MYH9: variants seen among roughly 807,000 people sequenced by gnomAD.
The protein encoded by MYH9 is myosin-9.
Under a neutral mutation model 241.9 loss-of-function variants are expected in MYH9, and 29 were observed. The observed-to-expected ratio is 0.12, with a 90% confidence interval of 0.09 to 0.16. The LOEUF (loss-of-function observed/expected upper bound fraction) is 0.16. Among genes scored for constraint, MYH9 ranks in the 10% least tolerant of loss-of-function variants. The probability of loss-of-function intolerance (pLI) is 1.00; values close to 1 mark genes in which losing one functional copy is unlikely to be tolerated. For missense variants in MYH9, 1,803 were observed against 2,595.5 expected (o/e 0.69, Z 6.63); for synonymous variants, 1,047 against 1,062.6 (o/e 0.99, Z 0.29).
At chr22:36,350,483 G>A (rs1271589817) in intron 1 of MYH9, among the ~76,000 whole-genome samples, 1 of 152,186 alleles carries the variant, frequency 6.6e-6, no homozygotes, top group Non-Finnish European at 1.5e-5. Context: ...GTTGTGGTGA[G>A]CCGAGATTGT....
chr22:36,299,785 C>T (rs1258055736), intron 23 of MYH9, among the ~76,000 whole-genome samples: 16 of 152,212 alleles, frequency 1.1e-4, no homozygotes, highest in Admixed American at 9.8e-4. Context: ...CGTATCTCAA[C>T]ACAGAGCCAC....
intron 1 of MYH9, among the ~76,000 whole-genome samples, chr22:36,363,865 G>C (rs1446208183): frequency 2.6e-5 from 4 of 152,168 alleles, no homozygotes; most frequent in Non-Finnish European, 5.9e-5. Flanking sequence ...TCCCCAGCTG[G>C]CTGGAGGCTT....
intron 3 of MYH9, among the ~76,000 whole-genome samples, chr22:36,338,179 T>C (rs914161169): frequency 5.3e-5 from 8 of 151,894 alleles, no homozygotes; most frequent in Non-Finnish European, 8.8e-5. Flanking sequence ...TTTGTTTTTT[T>C]AGTAGAGACA....
In MYH9 at chr22:36,326,604, C is replaced by A. The variant is rs369880291; in HGVS notation, c.576G>T (p.Ala192=). The A allele has an allele frequency of 6.2e-7, 1 of 1,614,248 alleles. No individual in the cohort carries two copies. The highest frequency in any genetic ancestry group is 1.1e-5 in the South Asian group (1 of 91,082). Reference sequence around the variant, plus strand: ...TGCTCTTGTGCGAGGACGCCACGTACGCCAGATACTGGATGACCTTCTTGG... The same window carrying A: ...TGCTCTTGTGCGAGGACGCCACGTAAGCCAGATACTGGATGACCTTCTTGG... ...ENTKKVIQYL[A]YVASSHKSKK... The change falls in exon 5 of 41, where the codon GCG becomes GCT. Residue 192 remains alanine, a synonymous_variant. Transcript: ENST00000216181.
Position 36,316,035 on chromosome 22 carries a change from C to CTT in MYH9, c.1380+480_1380+481dup, listed in dbSNP as rs144026849. Among the ~76,000 whole-genome samples, 959 of 116,928 alleles carry CTT rather than the reference C, an allele frequency of 8.2e-3. 19 individuals carry two copies. The highest frequency in any genetic ancestry group is 0.023 in the African/African-American group (740 of 31,822). The allele number at this position is 116,928 out of a possible 152,430, so 76.7% of individuals were successfully genotyped here. ...CCTGAGTGACAAAGCGAGACCCTGA[C>CTT]TTTTTTTTTTTTTTTTTTTGAGACA... On this transcript the variant is annotated intron_variant, in intron 12 of 40. Transcript: ENST00000216181.
In MYH9 at chr22:36,288,255, C is replaced by A; in HGVS notation, c.4929G>T (p.Leu1643=). The change falls in exon 34 of 41, where the codon CTG becomes CTT. Residue 1643 remains leucine (L), a synonymous_variant. Coordinates refer to ENST00000216181, the MANE Select transcript of MYH9 (RefSeq NM_002473.6). This position sits in a 1 kb window ranked among gnomAD's most constrained non-coding sequence, Gnocchi z 4.8. ...RDEAIKQLRK[L]QAQMKDCMRE... ...CCTGGGCCCCGCCCACCCTTACCTG[C>A]AGCTTCCGCAGCTGTTTGATGGCTT... The A allele has an allele frequency of 1.2e-6, 2 of 1,613,920 alleles. No homozygotes were observed. The highest frequency in any genetic ancestry group is 1.1e-5 in the South Asian group (1 of 91,076).
chr22:36,289,236 G>A lies in MYH9; in HGVS notation c.4406C>T (p.Ala1469Val), dbSNP rs557967677. 57 of 1,612,892 alleles carry A rather than the reference G, an allele frequency of 3.5e-5. No individual in the cohort carries two copies. Among genetic ancestry groups the A allele is most frequent in the East Asian group, 2.0e-4 (9 of 44,872 alleles). Residue 1469 changes from alanine (A) to valine (V), a missense_variant, in exon 32 of 41, where the codon GCG (alanine) becomes GTG (valine). Around this residue, in one of 11 missense-constraint regions of MYH9, gnomAD observed 876 missense variants for 1,077.8 expected, o/e 0.81. Coordinates refer to ENST00000216181, the MANE Select transcript of MYH9 (RefSeq NM_002473.6). ...CTTGGTCTCCTTCTCTCGGGCCTCC[G>A]CCTCAGCCCGGTCGCGCTCCTCTGC... is the stretch of plus-strand genomic sequence containing the variant. ...KYAEERDRAE[A>V]EAREKETKAL...
At chr22:36,373,017 C>G (rs2018112032) in intron 1 of MYH9, among the ~76,000 whole-genome samples, 1 of 152,188 alleles carries the variant, frequency 6.6e-6, no homozygotes, top group Non-Finnish European at 1.5e-5. Flanking sequence ...GACCACCCAT[C>G]TTCTCCCCTT....
At chr22:36,298,835 G>A (rs2016828927) in intron 24 of MYH9, 84 bp downstream of exon 24, 1 of 1,591,842 alleles carries the variant, frequency 6.3e-7, no homozygotes, top group African/African-American at 1.3e-5. Context: ...AGGCCTCGGT[G>A]TTCCGGTCAG....
In MYH9 at chr22:36,323,072, G is replaced by A. The variant is rs116950977; in HGVS notation, c.613-551C>T. On this transcript the variant is annotated intron_variant, in intron 5 of 40. Transcript: ENST00000216181. ...GTCCAAAACCACCATGACAGGCAGT[G>A]AGCACGGGATCCATGAGGCCCACTT... 5.8e-3 allele frequency among the ~76,000 whole-genome samples: 890 copies of A among 152,326 alleles called. 7 individuals are homozygous for A. The highest frequency in any genetic ancestry group is 0.044 in the Middle Eastern group (13 of 294).
chr22:36,363,793 CA>C lies in MYH9; in HGVS notation c.-19-14539del, dbSNP rs913021872. 2.4e-4 allele frequency among the ~76,000 whole-genome samples: 37 copies of C among 152,302 alleles called. 1 individual carries two copies. Among genetic ancestry groups the C allele is most frequent in the African/African-American group, 8.7e-4 (36 of 41,572 alleles). On this transcript the variant is annotated intron_variant, in intron 1 of 40. Coordinates refer to ENST00000216181, the MANE Select transcript of MYH9 (RefSeq NM_002473.6). Reference sequence around the variant, plus strand: ...TCACCCCCAGGTTGGAAGCGGCTGACAGGGGAAGGGTTTGGTTGGGTTCACC... The same window carrying C: ...TCACCCCCAGGTTGGAAGCGGCTGACGGGGAAGGGTTTGGTTGGGTTCACC...
intron 12 of MYH9, 87 bp from the exon 13 acceptor site, chr22:36,314,405 G>A (rs2017116873): frequency 6.5e-7 from 1 of 1,535,102 alleles, no homozygotes; most frequent in African/African-American, 1.4e-5. Flanking sequence ...GTGGGGCAGG[G>A]ATACAGGAAG....
chr22:36,298,964 C>T lies in MYH9; in HGVS notation c.3055G>A (p.Ala1019Thr), dbSNP rs566644790. The T allele has an allele frequency of 5.6e-6, 9 of 1,614,092 alleles. No individual in the cohort carries two copies. The highest frequency in any genetic ancestry group is 1.7e-4 in the Middle Eastern group (1 of 6,060). The stretch of plus-strand genomic sequence containing the variant: ...GCCTCATGCTTGTTCTTGAGCTTGG[C>T]GAGGCTCTTAGATTTCTCCTCCTCT... ...TEEEEKSKSL[A>T]KLKNKHEAMI... The change falls in exon 24 of 41, where the codon GCC (alanine) becomes ACC (threonine). Residue 1019 changes from alanine (A) to threonine (T), a missense_variant. Coordinates refer to ENST00000216181, the MANE Select transcript of MYH9 (RefSeq NM_002473.6).
At chr22:36,302,374 A>C in intron 20 of MYH9, 194 bp downstream of exon 20, 1 of 547,148 alleles carries the variant, frequency 1.8e-6, no homozygotes, top group East Asian at 3.3e-5. Context: ...AGGGCCGGGC[A>C]CAGTGGCTCA....
At chr22:36,287,370 C>G (rs1434025536) in intron 34 of MYH9, among the ~76,000 whole-genome samples, 3 of 152,158 alleles carry the variant, frequency 2.0e-5, no homozygotes, top group African/African-American at 7.2e-5. Context: ...AAAATGCCAC[C>G]AGCAATCAGA....
Position 36,282,034 on chromosome 22 carries a change from G to A in MYH9, c.*634C>T. On this transcript the variant is annotated 3_prime_UTR_variant, in exon 41 of 41. Coordinates refer to ENST00000216181, the MANE Select transcript of MYH9 (RefSeq NM_002473.6). ...AGAATCAGGAGGGAGACAGCGGACA[G>A]TGGCGCTGCCTGGGACAGGGTGGGG... 4.3e-6 allele frequency: 1 copy of A among 234,736 alleles called. No individual in the cohort carries two copies. The highest frequency in any genetic ancestry group is 8.4e-6 in the Non-Finnish European group (1 of 118,706). 14.5% of individuals were successfully genotyped at this position (234,736 alleles called of 1,614,324 possible). A position where few individuals can be genotyped will look rare whatever the true frequency, so the allele number is the denominator to read the frequency against.
chr22:36,372,040 G>A (rs2018098133), intron 1 of MYH9, among the ~76,000 whole-genome samples: 1 of 151,980 alleles, frequency 6.6e-6, no homozygotes, highest in African/African-American at 2.4e-5. Flanking sequence ...TGTATTTAAT[G>A]AACAAATAAA....
chr22:36,324,327 G>A (rs367892616), intron 5 of MYH9, among the ~76,000 whole-genome samples: 8 of 152,258 alleles, frequency 5.3e-5, no homozygotes, highest in South Asian at 2.1e-4. Flanking sequence ...TGAAATCTGC[G>A]TAACATGAAA....
At chr22:36,379,223 A>G (rs1211930839) in intron 1 of MYH9, among the ~76,000 whole-genome samples, 1 of 152,142 alleles carries the variant, frequency 6.6e-6, no homozygotes, top group Non-Finnish European at 1.5e-5. Context: ...AATTGTACAG[A>G]GAGGCCAGGC....
Sources: allele counts gnomAD v4.1 joint callset (sites outside exome capture counted in the v4.1 genomes callset), GRCh38; gene constraint gnomAD v4.1.1; regional missense constraint gnomAD v4.1.1; non-coding constraint Gnocchi (gnomAD v3.1); transcripts MANE v1.5; gene names NCBI Gene and HGNC (gene_info 2026-07-23, HGNC 2026-07-21).